The following CRLF1 variants were observed in gnomAD, a reference collection of about 807,000 sequenced individuals.
The protein encoded by CRLF1 is cytokine receptor-like factor 1.
Under a neutral mutation model 48.9 loss-of-function variants are expected in CRLF1, and 36 were observed. The ratio of observed to expected loss-of-function variants is 0.74; its 90% CI spans 0.56 to 0.97. CRLF1 has a LOEUF of 0.97. Ranked by LOEUF, CRLF1 falls within the 50% of genes least tolerant of loss-of-function variation. CRLF1 has a pLI of 0.00. For synonymous variants in CRLF1, 256 were observed against 253.4 expected, an observed-to-expected ratio of 1.01 and a Z score of -0.10; for missense variants, 534 against 575.1, an observed-to-expected ratio of 0.93 and a Z score of 0.73.
chr19:18,594,136 G>A, intron 7 of CRLF1, 29 bp from the exon 8 acceptor site: 2 of 1,585,156 alleles, frequency 1.3e-6, no homozygotes, highest in East Asian at 2.3e-5. Context: ...CAGAGGTGTC[G>A]TGGGGGCTGC....
chr19:18,603,099 C>G lies in CRLF1; in HGVS notation c.116-3253G>C, dbSNP rs537530174. On this transcript the variant is annotated intron_variant, in intron 1 of 8. Coordinates refer to ENST00000392386, the MANE Select transcript of CRLF1 (RefSeq NM_004750.5). ...AGACTCATCCACGCCTTTGTTCGTT[C>G]ACGCGTTCATCTATTCATTCACAGG... 2.6e-5 allele frequency among the ~76,000 whole-genome samples: 4 copies of G among 152,360 alleles called. No homozygotes were observed. In the South Asian group the frequency reaches 8.3e-4, roughly 32 times the overall value.
intron 4 of CRLF1, among the ~76,000 whole-genome samples, chr19:18,597,711 T>C (rs1036862013): frequency 3.3e-5 from 5 of 151,894 alleles, no homozygotes; most frequent in Non-Finnish European, 7.4e-5. Context: ...GGATTACAGG[T>C]GTGAGCCACC....
At chr19:18,605,343 C>G (rs111520914) in intron 1 of CRLF1, among the ~76,000 whole-genome samples, 3,438 of 152,264 alleles carry the variant, frequency 0.023, 139 homozygotes, top group African/African-American at 0.077. Flanking sequence ...CGGACCCTGC[C>G]CCTTCCCGGA....
At chr19:18,596,833 C>T in intron 5 of CRLF1, 43 bp from the exon 6 acceptor site, 1 of 1,612,550 alleles carries the variant, frequency 6.2e-7, no homozygotes. Flanking sequence ...CGGGGCCTAG[C>T]AGGAGCGGGG....
chr19:18,606,318 G>C lies in CRLF1; in HGVS notation c.115+224C>G, dbSNP rs998738334. On this transcript the variant is annotated intron_variant, in intron 1 of 8. Transcript: ENST00000392386. This position sits in a 1 kb window ranked among gnomAD's most constrained non-coding sequence, Gnocchi z 4.8. ...CTGGCCTGGCGCCCTCGGCCCAGCT[G>C]CCCAGGTAACAGGGCCTCGGGCGCG... 9.9e-5 allele frequency among the ~76,000 whole-genome samples: 15 copies of C among 151,500 alleles called. No individual in the cohort carries two copies. Among genetic ancestry groups the C allele is most frequent in the African/African-American group, 3.6e-4 (15 of 41,304 alleles).
Position 18,606,590 on chromosome 19 carries a change from G to A in CRLF1, c.67C>T (p.Leu23=). 3.5e-6 allele frequency: 4 copies of A among 1,138,830 alleles called. No individual in the cohort carries two copies. Among genetic ancestry groups the A allele is most frequent in the Non-Finnish European group, 4.3e-6 (4 of 929,194 alleles). 70.5% of individuals were successfully genotyped at this position (1,138,830 alleles called of 1,614,324 possible). The change falls in exon 1 of 9, where the codon CTG becomes TTG. Residue 23 remains leucine (L), a synonymous_variant. Coordinates refer to ENST00000392386, the MANE Select transcript of CRLF1 (RefSeq NM_004750.5). The surrounding 1 kb of genome is among the most constrained non-coding windows in gnomAD (Gnocchi z 4.8). ...ARRPPPLLPL[L]LLLCVLGAPR... is the part of the protein sequence containing the mutation. ...GCCCCGAGGACGCAGAGCAGCAGCA[G>A]CAGGGGCAGCAACGGCGGCGGCCGC...
chr19:18,594,032 T>TGGGGGAC, intron 8 of CRLF1, 33 bp downstream of exon 8: 1 of 695,804 alleles, frequency 1.4e-6, no homozygotes, highest in Non-Finnish European at 2.2e-6. Flanking sequence ...CTCCCCTTGC[T>TGGGGGAC]CCCTCCCGCC....
At chr19:18,604,286 G>T (rs1976260299) in intron 1 of CRLF1, among the ~76,000 whole-genome samples, 1 of 152,182 alleles carries the variant, frequency 6.6e-6, no homozygotes, top group African/African-American at 2.4e-5. Flanking sequence ...GCGGCGACGG[G>T]TTGTAGGGGG....
In CRLF1 at chr19:18,597,011, C is replaced by A; in HGVS notation, c.736G>T (p.Val246Phe). ...CTCAGCTGGTCCTCCAGGCCCCCGA[C>A]GCGGCTCACGTGCACGTCGGGCGGG... Reference protein sequence around the residue: ...DPPPDVHVSRVGGLEDQLSVR... With the variant: ...DPPPDVHVSRFGGLEDQLSVR... Residue 246 changes from valine (V) to phenylalanine (F), a missense_variant, in exon 5 of 9, where the codon GTC becomes TTC. Around this residue, in one of 2 missense-constraint regions of CRLF1, gnomAD observed 528 missense variants for 555.7 expected, o/e 0.95. Coordinates refer to ENST00000392386, the MANE Select transcript of CRLF1 (RefSeq NM_004750.5). 1 of 1,613,378 alleles carries A rather than the reference C, an allele frequency of 6.2e-7. No homozygotes were observed. Among genetic ancestry groups the A allele is most frequent in the Non-Finnish European group, 8.5e-7 (1 of 1,179,894 alleles).
intron 5 of CRLF1, 25 bp downstream of exon 5, chr19:18,596,867 C>G: frequency 6.2e-7 from 1 of 1,613,582 alleles, no homozygotes; most frequent in Non-Finnish European, 8.5e-7. Flanking sequence ...GGAACAGGGG[C>G]GGAGTCAGGG....
chr19:18,593,935 A>G (rs1277286885), intron 8 of CRLF1, 130 bp downstream of exon 8: 55 of 1,480,292 alleles, frequency 3.7e-5, no homozygotes, highest in Non-Finnish European at 5.0e-5. Flanking sequence ...TAACAAAGGA[A>G]GAGGACGGAT....
intron 1 of CRLF1, among the ~76,000 whole-genome samples, chr19:18,602,589 G>A (rs1976234141): frequency 6.6e-6 from 1 of 151,960 alleles, no homozygotes; most frequent in African/African-American, 2.4e-5. Flanking sequence ...CTGCACTCCA[G>A]CCTGGGTGAC....
In CRLF1 at chr19:18,594,388, C is replaced by A; in HGVS notation, c.1071G>T (p.Glu357Asp). ...GGGACEPRGGEPSSGPVRREL... is the reference protein window; with the variant it reads ...GGGACEPRGGDPSSGPVRREL... ...CGCGCCGCACCGGCCCCGAGCTCGG[C>A]TCTCCGCCCCGCGGTTCGCACGCCC... The change falls in exon 7 of 9, where the codon GAG becomes GAT. Residue 357 changes from glutamate (E) to aspartate (D), a missense_variant. Around this residue, in one of 2 missense-constraint regions of CRLF1, gnomAD observed 528 missense variants for 555.7 expected, o/e 0.95. Coordinates refer to ENST00000392386, the MANE Select transcript of CRLF1 (RefSeq NM_004750.5). 1 of 1,591,072 alleles carries A rather than the reference C, an allele frequency of 6.3e-7. No homozygotes were observed. The highest frequency in any genetic ancestry group is 8.6e-7 in the Non-Finnish European group (1 of 1,168,072).
chr19:18,595,869 T>C (rs904921252), intron 6 of CRLF1, among the ~76,000 whole-genome samples: 2 of 152,008 alleles, frequency 1.3e-5, no homozygotes, highest in Admixed American at 6.5e-5. Context: ...GAAGGAGAAA[T>C]TGAGGCCCAT....
intron 1 of CRLF1, 21 bp from the exon 2 acceptor site, chr19:18,599,867 G>T: frequency 6.6e-7 from 1 of 1,505,136 alleles, no homozygotes; most frequent in Non-Finnish European, 8.9e-7. Flanking sequence ...AGAGGAACAC[G>T]TGTCAGGCCA....
chr19:18,604,096 G>A (rs896864380), intron 1 of CRLF1, among the ~76,000 whole-genome samples: 19 of 152,208 alleles, frequency 1.2e-4, no homozygotes, highest in Non-Finnish European at 2.2e-4. Context: ...AGCCCTTCTA[G>A]AGTGGGTCTC....
chr19:18,599,771 C>G lies in CRLF1; in HGVS notation c.191G>C (p.Gly64Ala). ...CTCGGCGGTGGCTCCTGGTGGGTCT[C>G]CGTGCACTGAGCAGGTGGCCAGCAG... The part of the protein sequence containing the change: ...SSLLATCSVH[G>A]DPPGATAEGL... Residue 64 changes from glycine (G) to alanine (A), a missense_variant, in exon 2 of 9, where the codon GGA becomes GCA. By Grantham distance (60) the Gly-to-Ala change is moderately conservative. Transcript: ENST00000392386. The G allele has an allele frequency of 6.3e-7, 1 of 1,593,856 alleles. No individual in the cohort carries two copies. Among genetic ancestry groups the G allele is most frequent in the African/African-American group, 1.3e-5 (1 of 74,752 alleles).
chr19:18,594,129 A>C (rs775673553), intron 7 of CRLF1, 22 bp from the exon 8 acceptor site: 1 of 1,569,296 alleles, frequency 6.4e-7, no homozygotes, highest in South Asian at 1.1e-5. Context: ...AGGAAGGCAG[A>C]GGTGTCGTGG....
chr19:18,593,466 T>C lies in CRLF1; in HGVS notation c.*100A>G. 6.5e-7 allele frequency: 1 copy of C among 1,536,462 alleles called. No homozygotes were observed. Among genetic ancestry groups the C allele is most frequent in the Non-Finnish European group, 8.9e-7 (1 of 1,128,548 alleles). ...GGGCCACCCCAGCTCCTGCTGAGGGTGGCTCAGGTGCCCTGAAGTGAGGGT... is the reference window on the plus strand; with the variant it reads ...GGGCCACCCCAGCTCCTGCTGAGGGCGGCTCAGGTGCCCTGAAGTGAGGGT... On this transcript the variant is annotated 3_prime_UTR_variant, in exon 9 of 9. Coordinates refer to ENST00000392386, the MANE Select transcript of CRLF1 (RefSeq NM_004750.5).
Sources: gnomAD v4.1 joint callset for allele counts (sites outside exome capture counted in the v4.1 genomes callset) on GRCh38, gnomAD v4.1.1 for gene constraint, gnomAD v4.1.1 regional missense constraint, Gnocchi (gnomAD v3.1) non-coding constraint, MANE v1.5 for transcripts, NCBI Gene and HGNC (gene_info 2026-07-23, HGNC 2026-07-21) for gene names.